The following TGDS variants were observed in gnomAD, a reference collection of about 807,000 sequenced individuals.
TGDS encodes the protein UDP-D-glucose 4,6-dehydratase.
TGDS carries 47 observed loss-of-function variants against 52.3 expected under a neutral mutation model. The ratio of observed to expected loss-of-function variants is 0.90; its 90% CI spans 0.71 to 1.15. TGDS has a LOEUF of 1.15. Ranked by LOEUF, TGDS falls within the 50% of genes most tolerant of loss-of-function variation. The probability of loss-of-function intolerance (pLI) is 0.00; values close to 1 mark genes in which losing one functional copy is unlikely to be tolerated. For synonymous variants in TGDS, 115 were observed against 136.9 expected (o/e 0.84, Z 1.12); for missense variants, 375 against 418.4 (o/e 0.90, Z 0.90).
At chr13:94,587,857 T>C (rs1301508530) in intron 4 of TGDS, among the ~76,000 whole-genome samples, 2 of 149,416 alleles carry the variant, frequency 1.3e-5, no homozygotes, top group Non-Finnish European at 3.0e-5. Context: ...ATTAGCCGGG[T>C]GTGGTGGCGG....
Position 94,574,874 on chromosome 13 carries a change from C to CAA in TGDS, c.983-24_983-23dup, listed in dbSNP as rs748047100. 1,273 of 978,304 alleles carry CAA rather than the reference C, an allele frequency of 1.3e-3. 5 individuals are homozygous for CAA. In the African/African-American group the frequency reaches 0.019, roughly 15 times the overall value. The allele number at this position is 978,304 out of a possible 1,614,324, so 60.6% of individuals were successfully genotyped here. A position where few individuals can be genotyped will look rare whatever the true frequency, so the allele number is the denominator to read the frequency against. On this transcript the variant is annotated intron_variant, in intron 11 of 11. Coordinates refer to ENST00000261296, the MANE Select transcript of TGDS (RefSeq NM_014305.4). ...TCAACTAATAGGAAAAAACAAAAGA[C>CAA]AAAAAAAAAAAAGAAAAGAAAGAAA...
intron 4 of TGDS, among the ~76,000 whole-genome samples, chr13:94,590,597 T>A (rs1306001292): frequency 6.6e-6 from 1 of 152,096 alleles, no homozygotes; most frequent in South Asian, 2.1e-4. Flanking sequence ...ACGGCCCATC[T>A]CCCCGTTGCT....
chr13:94,580,573 A>G (rs898844969), intron 6 of TGDS, among the ~76,000 whole-genome samples: 8 of 152,336 alleles, frequency 5.3e-5, no homozygotes, highest in Middle Eastern at 3.4e-3. Context: ...CAAATCATGC[A>G]GACAGAAGCA....
intron 4 of TGDS, among the ~76,000 whole-genome samples, chr13:94,586,105 T>G (rs763929098): frequency 6.6e-6 from 1 of 152,050 alleles, no homozygotes; most frequent in Non-Finnish European, 1.5e-5. Context: ...TTAAAAAAAG[T>G]AAGCAGCAAC....
At chr13:94,579,984 A>G in intron 6 of TGDS, 31 bp from the exon 7 acceptor site, 1 of 1,380,710 alleles carries the variant, frequency 7.2e-7, no homozygotes, top group Non-Finnish European at 1.0e-6. Context: ...TAAGGCTTTT[A>G]AAAAGGTCTA....
At position 94,574,487 on chromosome 13, in the gene TGDS, G is replaced by T; in HGVS notation, c.*295C>A. On this transcript the variant is annotated 3_prime_UTR_variant, in exon 12 of 12. Coordinates refer to ENST00000261296, the MANE Select transcript of TGDS (RefSeq NM_014305.4). ...CTCCCTAGCACCACTACCCCTCATG[G>T]TTGTCCGAATCAGGAGACTTCTTCC... is the stretch of plus-strand genomic sequence containing the variant. 3.8e-6 allele frequency: 1 copy of T among 262,922 alleles called. No individual in the cohort carries two copies. Among genetic ancestry groups the T allele is most frequent in the East Asian group, 7.7e-5 (1 of 12,922 alleles). The allele number at this position is 262,922 out of a possible 1,614,324, so 16.3% of individuals were successfully genotyped here.
At chr13:94,583,025 G>T in intron 5 of TGDS, 69 bp downstream of exon 5, 2 of 1,541,450 alleles carry the variant, frequency 1.3e-6, no homozygotes, top group Non-Finnish European at 1.8e-6. Context: ...AAAAAGCCCA[G>T]TGTAGGTTTA....
chr13:94,587,340 T>C (rs1594451145), intron 4 of TGDS, among the ~76,000 whole-genome samples: 1 of 152,188 alleles, frequency 6.6e-6, no homozygotes, highest in East Asian at 1.9e-4. Flanking sequence ...AAGATTGTTT[T>C]TTTGGAACAA....
chr13:94,595,895 A>G, intron 1 of TGDS, 156 bp downstream of exon 1: 1 of 771,134 alleles, frequency 1.3e-6, no homozygotes, highest in Admixed American at 2.4e-5. Context: ...CAGGCCAGAG[A>G]GAGAAAAGCT....
chr13:94,582,519 A>G (rs1888833041), intron 5 of TGDS, among the ~76,000 whole-genome samples: 1 of 152,262 alleles, frequency 6.6e-6, no homozygotes, highest in East Asian at 1.9e-4. Flanking sequence ...TGAACAGAGG[A>G]GACAATAGAA....
intron 11 of TGDS, among the ~76,000 whole-genome samples, chr13:94,575,477 A>T (rs1001522625): frequency 2.6e-5 from 4 of 151,744 alleles, no homozygotes; most frequent in African/African-American, 9.7e-5. Context: ...TTTTGTAGAG[A>T]CAGGGTCTCG....
At chr13:94,583,669 G>T (rs1385020766) in intron 4 of TGDS, among the ~76,000 whole-genome samples, 1 of 152,106 alleles carries the variant, frequency 6.6e-6, no homozygotes, top group Non-Finnish European at 1.5e-5. Flanking sequence ...GGAAACGGAA[G>T]GAACTTCCTT....
chr13:94,595,548 G>C (rs1375522593), intron 1 of TGDS, among the ~76,000 whole-genome samples: 1 of 152,204 alleles, frequency 6.6e-6, no homozygotes, highest in African/African-American at 2.4e-5. Flanking sequence ...AGTGGTCGCC[G>C]TAAGGATATA....
In TGDS at chr13:94,578,054, G is replaced by T; in HGVS notation, c.776C>A (p.Thr259Asn). 6.2e-7 allele frequency: 1 copy of T among 1,613,850 alleles called. No individual in the cohort carries two copies. Among genetic ancestry groups the T allele is most frequent in the South Asian group, 1.1e-5 (1 of 91,064 alleles). Reference protein sequence around the residue: ...GKPGEIYNIGTNFEMSVVQLA... With the variant: ...GKPGEIYNIGNNFEMSVVQLA... ...CTGGACAACTGACATTTCAAAATTG[G>T]TTCCGATGTTATAAATTTCACCTGG... Residue 259 changes from threonine (T) to asparagine (N), a missense_variant, in exon 9 of 12, where the codon ACC becomes AAC. Physicochemically the swap from Thr to Asn is moderately conservative, Grantham distance 65. Coordinates refer to ENST00000261296, the MANE Select transcript of TGDS (RefSeq NM_014305.4).
upstream of TGDS, chr13:94,596,224 G>C (rs1486734077): frequency 1.4e-6 from 2 of 1,409,092 alleles, no homozygotes; most frequent in Non-Finnish European, 1.9e-6. Context: ...GACGCGCCTC[G>C]CTCGCGGGAC....
chr13:94,578,810 T>C (rs1444030199), intron 7 of TGDS, 37 bp from the exon 8 acceptor site: 1 of 1,319,756 alleles, frequency 7.6e-7, no homozygotes, highest in Non-Finnish European at 1.1e-6. Flanking sequence ...AGACTGGATA[T>C]TTACTCATTA....
chr13:94,576,493 T>A, intron 10 of TGDS, 82 bp from the exon 11 acceptor site: 2 of 890,304 alleles, frequency 2.2e-6, no homozygotes, highest in Non-Finnish European at 3.1e-6. Context: ...TGTTTATGCA[T>A]TTTTACCACA....
chr13:94,591,903 T>C (rs1373363995), intron 3 of TGDS, among the ~76,000 whole-genome samples: 1 of 152,234 alleles, frequency 6.6e-6, no homozygotes, highest in African/African-American at 2.4e-5. Flanking sequence ...TCCTGTGGCT[T>C]ATACTTTGGA....
At chr13:94,580,907 G>A (rs1888765205) in intron 6 of TGDS, among the ~76,000 whole-genome samples, 184 bp downstream of exon 6, 1 of 152,188 alleles carries the variant, frequency 6.6e-6, no homozygotes, top group African/African-American at 2.4e-5. Flanking sequence ...GGGAGGCCGA[G>A]GTGGGCAGAT....
Sources: gnomAD v4.1 joint callset for allele counts (sites outside exome capture counted in the v4.1 genomes callset) on GRCh38, gnomAD v4.1.1 for gene constraint, MANE v1.5 for transcripts, NCBI Gene and HGNC (gene_info 2026-07-23, HGNC 2026-07-21) for gene names.